WDPCP: variants seen among roughly 807,000 people sequenced by gnomAD.
WDPCP encodes the protein WD repeat-containing and planar cell polarity effector protein fritz homolog.
In WDPCP, 71 loss-of-function variants were observed where a neutral mutation model predicts 93.1. The observed-to-expected ratio is 0.76, with a 90% CI of 0.63 to 0.93. The LOEUF (loss-of-function observed/expected upper bound fraction) is 0.93, where lower values mean the gene tolerates loss of function less well. Ranked by LOEUF, WDPCP falls within the 40% of genes least tolerant of loss-of-function variation. The pLI is 0.00. For missense variants in WDPCP, 844 were observed against 887.4 expected, an observed-to-expected ratio of 0.95 and a Z score of 0.62; for synonymous variants, 315 against 315.0, an observed-to-expected ratio of 1.00 and a Z score of 0.00.
chr2:63,764,905 T>C (rs377583266), intron 2 of WDPCP, among the ~76,000 whole-genome samples: 1 of 152,046 alleles, frequency 6.6e-6, no homozygotes. Context: ...TTGGATGGGG[T>C]AGAGTAGGAA....
At chr2:63,512,324 A>C (rs900629346) in intron 1 of WDPCP, among the ~76,000 whole-genome samples, 1 of 152,212 alleles carries the variant, frequency 6.6e-6, no homozygotes, top group African/African-American at 2.4e-5. Context: ...ACTGTGTCAG[A>C]CAGTGTGGCG....
intron 15 of WDPCP, among the ~76,000 whole-genome samples, chr2:63,161,765 T>C (rs1672658573): frequency 6.6e-6 from 1 of 151,060 alleles, no homozygotes; most frequent in South Asian, 2.1e-4. Flanking sequence ...ATTCATTTTT[T>C]TCTTTTTTTT....
intron 15 of WDPCP, 136 bp downstream of exon 15, chr2:63,174,534 G>T: frequency 9.1e-7 from 1 of 1,094,532 alleles, no homozygotes; most frequent in Non-Finnish European, 1.4e-6. Context: ...CCAAACTACT[G>T]CAAAGTCTGA....
At position 63,122,054 on chromosome 2, in the gene WDPCP, T is replaced by C; in HGVS notation, c.2193A>G (p.Glu731=). The C allele has an allele frequency of 6.2e-7, 1 of 1,605,836 alleles. No individual in the cohort carries two copies. The highest frequency in any genetic ancestry group is 1.3e-5 in the African/African-American group (1 of 74,856). Residue 731 remains glutamate, a splice_region_variant and synonymous_variant, in exon 18 of 18, where the codon GAA becomes GAG. Coordinates refer to ENST00000272321, the MANE Select transcript of WDPCP (RefSeq NM_015910.7). ...TTTTGAGAGAACCACCATCTCTGAT[T>C]TCCTGCAAATAAACAAATAAAAATA... ...GELREDGREQ[E]IRDGGSLKMI...
intron 13 of WDPCP, among the ~76,000 whole-genome samples, chr2:63,296,955 C>A (rs371798373): frequency 6.6e-6 from 1 of 152,026 alleles, no homozygotes; most frequent in African/African-American, 2.4e-5. Flanking sequence ...AAGTTCTTAT[C>A]GAATCAAAAA....
intron 6 of WDPCP, among the ~76,000 whole-genome samples, chr2:63,446,647 G>A (rs1392712416): frequency 6.6e-6 from 1 of 152,154 alleles, no homozygotes; most frequent in Non-Finnish European, 1.5e-5. Flanking sequence ...GGAGTGGTGG[G>A]CAGTGCACAG....
chr2:63,256,417 G>T (rs961721635), intron 14 of WDPCP, among the ~76,000 whole-genome samples: 1 of 152,012 alleles, frequency 6.6e-6, no homozygotes, highest in Non-Finnish European at 1.5e-5. Flanking sequence ...CTTTTCCACC[G>T]GAATGGCTAA....
At chr2:63,540,010 A>G (rs1704591426) in intron 1 of WDPCP, among the ~76,000 whole-genome samples, 1 of 152,204 alleles carries the variant, frequency 6.6e-6, no homozygotes, top group Admixed American at 6.5e-5. Flanking sequence ...TATGCAATGA[A>G]TAGTCTCTTG....
In WDPCP at chr2:63,121,993, T is replaced by A. The variant is rs370732926; in HGVS notation, c.*13A>T. On this transcript the variant is annotated 3_prime_UTR_variant, in exon 18 of 18. Coordinates refer to ENST00000272321, the MANE Select transcript of WDPCP (RefSeq NM_015910.7). ...TAGATATGAAGAAGGCAGTTTTCTT[T>A]TTTTCTTAATGTTTACACCAGACCA... 1.2e-6 allele frequency: 2 copies of A among 1,613,120 alleles called. No homozygotes were observed. The highest frequency in any genetic ancestry group is 2.7e-5 in the African/African-American group (2 of 75,016).
chr2:63,529,223 T>C (rs1317698547), intron 1 of WDPCP, among the ~76,000 whole-genome samples: 1 of 152,190 alleles, frequency 6.6e-6, no homozygotes, highest in Admixed American at 6.5e-5. Context: ...TCCTGCCTGA[T>C]TGCCCTGGCC....
At position 63,332,221 on chromosome 2, in the gene WDPCP, T is replaced by TC. The variant is rs929183744; in HGVS notation, c.1749-18911dup. On this transcript the variant is annotated intron_variant, in intron 12 of 17. Coordinates refer to ENST00000272321, the MANE Select transcript of WDPCP (RefSeq NM_015910.7). ...GAATGTATAAATATAAATATATATCTCCCCCCTAACAGAAATACATATATA... is the reference window on the plus strand; with the variant it reads ...GAATGTATAAATATAAATATATATCTCCCCCCCTAACAGAAATACATATATA... Among the ~76,000 whole-genome samples, 16 of 151,782 alleles carry TC rather than the reference T, an allele frequency of 1.1e-4. No homozygotes were observed. The Middle Eastern group carries it at 0.01, about 99-fold the overall frequency.
chr2:63,667,952 A>T (rs1237333630), intron 2 of WDPCP, among the ~76,000 whole-genome samples: 2 of 152,022 alleles, frequency 1.3e-5, no homozygotes, highest in Non-Finnish European at 2.9e-5. Context: ...ACTTTTCTCT[A>T]TCTGATTAGT....
At chr2:63,257,613 G>A (rs1681254323) in intron 14 of WDPCP, among the ~76,000 whole-genome samples, 2 of 152,146 alleles carry the variant, frequency 1.3e-5, no homozygotes. Context: ...AAGTCACAGG[G>A]TATCAGTGAA....
intron 2 of WDPCP, among the ~76,000 whole-genome samples, chr2:63,670,063 T>C (rs1415176144): frequency 2.0e-5 from 3 of 152,214 alleles, no homozygotes; most frequent in Non-Finnish European, 4.4e-5. Context: ...GTATTATTGA[T>C]AAAAATAACA....
At chr2:63,549,191 A>T (rs1705379974) in intron 1 of WDPCP, among the ~76,000 whole-genome samples, 1 of 147,252 alleles carries the variant, frequency 6.8e-6, no homozygotes, top group South Asian at 2.2e-4. Flanking sequence ...CGGAGGCTGC[A>T]GTGAGCCAGG....
chr2:63,370,825 T>C (rs1280940898), intron 12 of WDPCP, among the ~76,000 whole-genome samples: 1 of 152,120 alleles, frequency 6.6e-6, no homozygotes, highest in East Asian at 1.9e-4. Context: ...TTTTTTTCTG[T>C]TTGACTAATC....
At chr2:63,728,932 T>C (rs1324590985) in intron 2 of WDPCP, among the ~76,000 whole-genome samples, 1 of 152,164 alleles carries the variant, frequency 6.6e-6, no homozygotes, top group Non-Finnish European at 1.5e-5. Flanking sequence ...GAGTTACGTA[T>C]TTCTAACAAA....
At chr2:63,239,237 G>C (rs955272624) in intron 14 of WDPCP, among the ~76,000 whole-genome samples, 3 of 151,892 alleles carry the variant, frequency 2.0e-5, no homozygotes, top group South Asian at 2.1e-4. Context: ...TTTTTGAGAC[G>C]GAGTCTCGCT....
At chr2:63,238,387 A>C (rs1679583104) in intron 14 of WDPCP, among the ~76,000 whole-genome samples, 1 of 152,124 alleles carries the variant, frequency 6.6e-6, no homozygotes, top group East Asian at 1.9e-4. Flanking sequence ...CTACATTTTA[A>C]AATTTTATTT....
Sources: allele counts gnomAD v4.1 joint callset (sites outside exome capture counted in the v4.1 genomes callset), GRCh38; gene constraint gnomAD v4.1.1; transcripts MANE v1.5; gene names NCBI Gene and HGNC (gene_info 2026-07-23, HGNC 2026-07-21).